The following ARMC9 variants were observed in gnomAD, a reference collection of about 807,000 sequenced individuals.
ARMC9 encodes armadillo repeat containing 9, also known as lisH domain-containing protein ARMC9.
ARMC9 carries 94 observed loss-of-function variants against 107.0 expected under a neutral mutation model. That is an observed-to-expected ratio of 0.88 (90% CI 0.74 to 1.04). ARMC9 has a LOEUF of 1.04. Among genes scored for constraint, ARMC9 ranks in the 50% least tolerant of loss-of-function variants. The pLI, the probability that ARMC9 is intolerant of heterozygous loss-of-function variation, is 0.00. For synonymous variants in ARMC9, 380 were observed against 396.9 expected (o/e 0.96, Z 0.51); for missense variants, 942 against 1,030.1 (o/e 0.91, Z 1.17).
chr2:231,262,166 A>G, intron 11 of ARMC9, 140 bp from the exon 12 acceptor site: 2 of 781,274 alleles, frequency 2.6e-6, no homozygotes, highest in Non-Finnish European at 4.2e-6. Flanking sequence ...ACTTGCCACC[A>G]CTCCCCAAGC....
intron 17 of ARMC9, among the ~76,000 whole-genome samples, chr2:231,287,654 T>A (rs1365865146): frequency 6.6e-6 from 1 of 152,178 alleles, no homozygotes; most frequent in Non-Finnish European, 1.5e-5. Context: ...ATCTCATGAT[T>A]ACATGTCATG....
At chr2:231,293,855 C>T (rs1382437851) in intron 18 of ARMC9, 1 of 152,218 alleles carries the variant, frequency 6.6e-6, no homozygotes, top group Non-Finnish European at 1.5e-5. Flanking sequence ...GAAGACCAGA[C>T]ACACAAGTAC....
intron 20 of ARMC9, among the ~76,000 whole-genome samples, chr2:231,338,436 A>C (rs1005805312): frequency 2.0e-5 from 3 of 151,586 alleles, no homozygotes. Flanking sequence ...CATGTTGGCC[A>C]GGGTGGTCTC....
At chr2:231,236,749 C>A (rs1417750176) in intron 8 of ARMC9, among the ~76,000 whole-genome samples, 1 of 152,032 alleles carries the variant, frequency 6.6e-6, no homozygotes, top group Non-Finnish European at 1.5e-5. Context: ...AAGACCAGAG[C>A]CCCGGCCAAC....
chr2:231,276,482 C>G (rs1284984127), intron 14 of ARMC9, among the ~76,000 whole-genome samples, 154 bp from the exon 15 acceptor site: 1 of 152,128 alleles, frequency 6.6e-6, no homozygotes, highest in African/African-American at 2.4e-5. Context: ...GTTGGCCAGG[C>G]TTGTCTCCAA....
At chr2:231,298,497 C>T (rs1423439937) in intron 19 of ARMC9, among the ~76,000 whole-genome samples, 1 of 152,228 alleles carries the variant, frequency 6.6e-6, no homozygotes, top group East Asian at 1.9e-4. Flanking sequence ...AAGGTGACAG[C>T]TCTGAAGGAG....
At chr2:231,339,431 T>G (rs1455798557) in intron 20 of ARMC9, among the ~76,000 whole-genome samples, 1 of 152,082 alleles carries the variant, frequency 6.6e-6, no homozygotes, top group Non-Finnish European at 1.5e-5. Flanking sequence ...TTTATGTAAA[T>G]TTTTGTTTTG....
rs2046089035 is a variant in ARMC9 at position 231,373,066 on chromosome 2, C to T, written c.*1531C>T. ...GCTGTCATGTGACTGGCCTGGTGGC[C>T]ACCTCTTGGTTCTCTGGAAATGTGT... On this transcript the variant is annotated 3_prime_UTR_variant, in exon 25 of 25. Coordinates refer to ENST00000611582, the MANE Select transcript of ARMC9 (RefSeq NM_001352754.2). The surrounding 1 kb of genome is among the most constrained non-coding windows in gnomAD (Gnocchi z 4.4). The T allele has an allele frequency of 6.6e-6, 1 of 152,166 alleles. No homozygotes were observed. The highest frequency in any genetic ancestry group is 1.5e-5 in the Non-Finnish European group (1 of 68,062). 9.4% of individuals were successfully genotyped at this position (152,166 alleles called of 1,614,324 possible).
chr2:231,273,373 A>G (rs979987257), intron 14 of ARMC9, among the ~76,000 whole-genome samples: 1 of 152,208 alleles, frequency 6.6e-6, no homozygotes, highest in African/African-American at 2.4e-5. Flanking sequence ...AGACAGACAC[A>G]TGAATCAGAC....
chr2:231,287,299 C>T (rs1484162568), intron 17 of ARMC9, among the ~76,000 whole-genome samples: 1 of 152,224 alleles, frequency 6.6e-6, no homozygotes, highest in Non-Finnish European at 1.5e-5. Flanking sequence ...GCACCTGATC[C>T]TCCACATTGC....
chr2:231,271,682 G>A (rs115512774), intron 13 of ARMC9, among the ~76,000 whole-genome samples: 3,132 of 152,216 alleles, frequency 0.021, 110 homozygotes, highest in African/African-American at 0.072. Flanking sequence ...TTGTTCATTC[G>A]TTCTTCCATC....
chr2:231,216,155 A>G (rs2033475168), intron 4 of ARMC9, among the ~76,000 whole-genome samples: 1 of 152,212 alleles, frequency 6.6e-6, no homozygotes. Flanking sequence ...AAGAAAGGAA[A>G]GGAGTGACTT....
At chr2:231,365,160 A>G (rs1245336104) in intron 23 of ARMC9, among the ~76,000 whole-genome samples, 2 of 152,180 alleles carry the variant, frequency 1.3e-5, no homozygotes, top group Non-Finnish European at 2.9e-5. Flanking sequence ...CAGAGAAACC[A>G]TGTGGAAAGG....
At chr2:231,271,981 C>G (rs183014317) in intron 13 of ARMC9, among the ~76,000 whole-genome samples, 1 of 152,006 alleles carries the variant, frequency 6.6e-6, no homozygotes, top group Admixed American at 6.6e-5. Context: ...GTAGATCTGA[C>G]TGTTGGGTTC....
intron 9 of ARMC9, among the ~76,000 whole-genome samples, chr2:231,245,394 C>G (rs138460773): frequency 1.2e-4 from 18 of 152,232 alleles, no homozygotes; most frequent in Admixed American, 2.6e-4. Flanking sequence ...TCCTGGATGA[C>G]AGTCTGCTGT....
At chr2:231,221,710 C>T (rs1442399636) in intron 5 of ARMC9, among the ~76,000 whole-genome samples, 1 of 150,706 alleles carries the variant, frequency 6.6e-6, no homozygotes, top group Non-Finnish European at 1.5e-5. Flanking sequence ...TGGTGACCCT[C>T]GACCCAGCTA....
chr2:231,376,591 AC>A lies in ARMC9; in HGVS notation c.*5057del, dbSNP rs1295851446. Among the ~76,000 whole-genome samples, 1 of 152,224 alleles carries A rather than the reference AC, an allele frequency of 6.6e-6. No individual in the cohort carries two copies. The highest frequency in any genetic ancestry group is 1.5e-5 in the Non-Finnish European group (1 of 68,034). On this transcript the variant is annotated 3_prime_UTR_variant, in exon 25 of 25. Coordinates refer to ENST00000611582, the MANE Select transcript of ARMC9 (RefSeq NM_001352754.2). Reference sequence around the variant, plus strand: ...GTCTCCTGATAAGATGTTATCAATGACAATGGTGCCCAAAACTTCATTAGCA... The same window carrying A: ...GTCTCCTGATAAGATGTTATCAATGAAATGGTGCCCAAAACTTCATTAGCA...
chr2:231,263,344 T>G (rs1460878272), intron 12 of ARMC9, among the ~76,000 whole-genome samples: 2 of 152,164 alleles, frequency 1.3e-5, no homozygotes, highest in Non-Finnish European at 2.9e-5. Flanking sequence ...ATTGTGCTCA[T>G]AGTTCTGGAG....
chr2:231,347,701 T>TTTAA (rs775563258), intron 21 of ARMC9, among the ~76,000 whole-genome samples: 25 of 152,226 alleles, frequency 1.6e-4, no homozygotes, highest in Non-Finnish European at 2.5e-4. Flanking sequence ...AAGGCGCCAC[T>TTTAA]TTAATTCTAT....
Sources: allele counts gnomAD v4.1 joint callset (sites outside exome capture counted in the v4.1 genomes callset), GRCh38; gene constraint gnomAD v4.1.1; non-coding constraint Gnocchi (gnomAD v3.1); transcripts MANE v1.5; gene names NCBI Gene and HGNC (gene_info 2026-07-23, HGNC 2026-07-21).